The following SMOX variants were observed in gnomAD, a reference collection of about 807,000 sequenced individuals.
SMOX encodes flavin containing amine oxidase.
SMOX carries 22 observed loss-of-function variants against 51.0 expected under a neutral mutation model. The observed-to-expected ratio is 0.43, with a 90% CI of 0.31 to 0.62. SMOX has a LOEUF of 0.62. Ranked by LOEUF, SMOX falls within the 20% of genes least tolerant of loss-of-function variation. The probability of loss-of-function intolerance (pLI) is 0.10; values close to 1 mark genes in which losing one functional copy is unlikely to be tolerated. For synonymous variants in SMOX, 282 were observed against 307.8 expected, an observed-to-expected ratio of 0.92 and a Z score of 0.88; for missense variants, 566 against 777.7, an observed-to-expected ratio of 0.73 and a Z score of 3.24.
At position 4,181,829 on chromosome 20, in the gene SMOX, C is replaced by T. The variant is rs1234892711; in HGVS notation, c.462C>T (p.Phe154=). 1.9e-6 allele frequency: 3 copies of T among 1,613,914 alleles called. No individual in the cohort carries two copies. The highest frequency in any genetic ancestry group is 2.5e-6 in the Non-Finnish European group (3 of 1,180,006). ...TCTATAACTTGACCCAGGAGTTCTTCCGGCACGATAAACCAGTCAATGCTG... is the reference window on the plus strand; with the variant it reads ...TCTATAACTTGACCCAGGAGTTCTTTCGGCACGATAAACCAGTCAATGCTG... ...NEVYNLTQEF[F]RHDKPVNAES... Residue 154 remains phenylalanine (F), a synonymous_variant, in exon 4 of 7, where the codon TTC becomes TTT. Coordinates refer to ENST00000305958, the MANE Select transcript of SMOX (RefSeq NM_175839.3). This position sits in a 1 kb window ranked among gnomAD's most constrained non-coding sequence, Gnocchi z 5.6.
At chr20:4,168,669 G>T (rs1475469054) in intron 1 of SMOX, among the ~76,000 whole-genome samples, 2 of 151,366 alleles carry the variant, frequency 1.3e-5, no homozygotes, top group Admixed American at 1.3e-4. Context: ...CGATTCTCCT[G>T]CCTCAGCCTC....
chr20:4,163,131 C>T (rs1296314148), intron 1 of SMOX, among the ~76,000 whole-genome samples: 1 of 151,740 alleles, frequency 6.6e-6, no homozygotes, highest in Non-Finnish European at 1.5e-5. Flanking sequence ...ACCTCAGTGG[C>T]TGTGGGCTGG....
At chr20:4,151,263 A>G (rs188783935) in intron 1 of SMOX, among the ~76,000 whole-genome samples, 27 of 150,536 alleles carry the variant, frequency 1.8e-4, no homozygotes, top group African/African-American at 6.7e-4. Flanking sequence ...GCCCCAGGCT[A>G]CCTGCCCCAA....
chr20:4,156,056 G>A (rs1194813834), intron 1 of SMOX, among the ~76,000 whole-genome samples: 2 of 152,106 alleles, frequency 1.3e-5, no homozygotes, highest in East Asian at 1.9e-4. Flanking sequence ...ACTGTTCTGC[G>A]CAATCTCAAG....
Position 4,181,581 on chromosome 20 carries a change from G to T in SMOX, c.436-222G>T, listed in dbSNP as rs1374515609. ...AGGGCCCAGCAAGAAAACCTCCGGGGCTTATCCCACCTCCCCGACAGGCCG... is the reference window on the plus strand; with the variant it reads ...AGGGCCCAGCAAGAAAACCTCCGGGTCTTATCCCACCTCCCCGACAGGCCG... On this transcript the variant is annotated intron_variant, in intron 3 of 6. Coordinates refer to ENST00000305958, the MANE Select transcript of SMOX (RefSeq NM_175839.3). This position sits in a 1 kb window ranked among gnomAD's most constrained non-coding sequence, Gnocchi z 5.6. 5.9e-5 allele frequency among the ~76,000 whole-genome samples: 9 copies of T among 152,202 alleles called. No individual in the cohort carries two copies. The highest frequency in any genetic ancestry group is 2.9e-5 in the Non-Finnish European group (2 of 68,028).
intron 1 of SMOX, among the ~76,000 whole-genome samples, chr20:4,152,318 C>T (rs1281586686): frequency 6.6e-6 from 1 of 152,130 alleles, no homozygotes; most frequent in Non-Finnish European, 1.5e-5. Context: ...AGCCCACTCT[C>T]TTGGGTGACT....
intron 1 of SMOX, among the ~76,000 whole-genome samples, chr20:4,169,555 G>A (rs908148334): frequency 6.6e-6 from 1 of 152,156 alleles, no homozygotes; most frequent in Non-Finnish European, 1.5e-5. Flanking sequence ...GCAGGGGCTC[G>A]CCAGTCTAGC....
chr20:4,161,462 C>G (rs1986313599), intron 1 of SMOX, among the ~76,000 whole-genome samples: 1 of 152,200 alleles, frequency 6.6e-6, no homozygotes, highest in Non-Finnish European at 1.5e-5. Flanking sequence ...TTTTTCTGAC[C>G]CCATCAGCTT....
intron 1 of SMOX, among the ~76,000 whole-genome samples, chr20:4,168,938 TTATTTTATTTTA>T (rs1986703821): frequency 2.1e-5 from 3 of 141,338 alleles, no homozygotes; most frequent in Non-Finnish European, 4.5e-5. Flanking sequence ...TTATTTTATT[TTATTTTATTTTA>T]TGTTATTTTA....
intron 3 of SMOX, among the ~76,000 whole-genome samples, chr20:4,180,364 C>A (rs1422846676): frequency 2.6e-5 from 4 of 152,164 alleles, no homozygotes; most frequent in African/African-American, 9.7e-5. Flanking sequence ...CCCTGTGGCC[C>A]CAGGGCCTAG....
intron 1 of SMOX, among the ~76,000 whole-genome samples, chr20:4,168,028 C>A (rs1986642805): frequency 6.6e-6 from 1 of 151,734 alleles, no homozygotes; most frequent in Admixed American, 6.6e-5. Context: ...CCCCAGACTT[C>A]CAGGCAGTCC....
At position 4,182,837 on chromosome 20, in the gene SMOX, G is replaced by A. The variant is rs752161137; in HGVS notation, c.1358G>A (p.Arg453His). ...GCCGAGATCTGCACGGAGATGCTGC[G>A]TCAGTTCACAGGTGCGCCACGTGCC... The part of the protein sequence containing the change: ...AVAEICTEML[R>H]QFTGNPNIPK... The change falls in exon 5 of 7, where the codon CGT becomes CAT. Residue 453 changes from arginine to histidine, a missense_variant. Physicochemically the swap from Arg to His is conservative, Grantham distance 29. This residue lies in a region of SMOX where 347 missense variants were observed against 481.8 expected (regional missense o/e 0.72). Transcript: ENST00000305958. The surrounding 1 kb of genome is among the most constrained non-coding windows in gnomAD (Gnocchi z 8.4). 9.3e-6 allele frequency: 15 copies of A among 1,605,922 alleles called. No homozygotes were observed. The highest frequency in any genetic ancestry group is 6.7e-5 in the African/African-American group (5 of 74,918).
rs1404950767 is a variant in SMOX at position 4,153,172 on chromosome 20, A to G, written c.-27+4195A>G. ...CCAGGAGGGGCTCCGGACCCAGGCC[A>G]ATGGGTTGGGCATCACGTACACTGT... On this transcript the variant is annotated intron_variant, in intron 1 of 6. Coordinates refer to ENST00000305958, the MANE Select transcript of SMOX (RefSeq NM_175839.3). This position sits in a 1 kb window ranked among gnomAD's most constrained non-coding sequence, Gnocchi z 4.4. Among the ~76,000 whole-genome samples, 1 of 152,130 alleles carries G rather than the reference A, an allele frequency of 6.6e-6. No individual in the cohort carries two copies. Among genetic ancestry groups the G allele is most frequent in the African/African-American group, 2.4e-5 (1 of 41,434 alleles).
chr20:4,174,908 A>C (rs906386442), intron 1 of SMOX, 122 bp from the exon 2 acceptor site: 1 of 905,616 alleles, frequency 1.1e-6, no homozygotes, highest in African/African-American at 1.7e-5. Context: ...AGGGAGGGAG[A>C]GGACTCCAGG....
At chr20:4,169,832 T>C (rs1383365868) in intron 1 of SMOX, among the ~76,000 whole-genome samples, 1 of 152,098 alleles carries the variant, frequency 6.6e-6, no homozygotes, top group Non-Finnish European at 1.5e-5. Flanking sequence ...CAGAACCAGC[T>C]TCTCTGATGT....
intron 1 of SMOX, among the ~76,000 whole-genome samples, chr20:4,168,011 A>C (rs895446574): frequency 6.6e-6 from 1 of 151,828 alleles, no homozygotes; most frequent in Non-Finnish European, 1.5e-5. Flanking sequence ...CAAGAATCCA[A>C]ATCCCTCCCC....
chr20:4,176,918 T>A (rs931543685), intron 2 of SMOX, among the ~76,000 whole-genome samples: 1 of 152,188 alleles, frequency 6.6e-6, no homozygotes, highest in Non-Finnish European at 1.5e-5. Context: ...AGCCATTTTC[T>A]GTCTGGGAAA....
intron 1 of SMOX, among the ~76,000 whole-genome samples, chr20:4,168,186 T>C (rs1261343164): frequency 6.6e-6 from 1 of 151,824 alleles, no homozygotes; most frequent in Non-Finnish European, 1.5e-5. Flanking sequence ...GGACCAGAAG[T>C]CTCCATTGGG....
At chr20:4,169,920 G>A (rs755890598) in intron 1 of SMOX, among the ~76,000 whole-genome samples, 1 of 152,114 alleles carries the variant, frequency 6.6e-6, no homozygotes, top group Non-Finnish European at 1.5e-5. Context: ...GAAGTTGGGG[G>A]TCTGTGTGTA....
Sources: allele counts gnomAD v4.1 joint callset (sites outside exome capture counted in the v4.1 genomes callset), GRCh38; gene constraint gnomAD v4.1.1; regional missense constraint gnomAD v4.1.1; non-coding constraint Gnocchi (gnomAD v3.1); transcripts MANE v1.5; gene names NCBI Gene and HGNC (gene_info 2026-07-23, HGNC 2026-07-21).